IMMP2L: variants seen among roughly 807,000 people sequenced by gnomAD.
IMMP2L encodes inner mitochondrial membrane peptidase subunit 2, also known as mitochondrial inner membrane protease subunit 2.
In IMMP2L, 18 loss-of-function variants were observed where a neutral mutation model predicts 19.3. The ratio of observed to expected loss-of-function variants is 0.93; its 90% confidence interval spans 0.64 to 1.38. The LOEUF is 1.38. Among genes scored for constraint, IMMP2L ranks in the 40% most tolerant of loss-of-function variants. The pLI, the probability that IMMP2L is intolerant of heterozygous loss-of-function variation, is 0.00. For missense variants in IMMP2L, 233 were observed against 218.2 expected (o/e 1.07, Z -0.43); for synonymous variants, 76 against 73.0 (o/e 1.04, Z -0.21).
At chr7:111,425,342 A>G (rs1835968575) in intron 3 of IMMP2L, among the ~76,000 whole-genome samples, 1 of 145,152 alleles carries the variant, frequency 6.9e-6, no homozygotes, top group African/African-American at 2.5e-5. Flanking sequence ...GTTACACAAC[A>G]TAGGCATATG....
At chr7:111,528,646 C>T (rs1006200218) in intron 1 of IMMP2L, among the ~76,000 whole-genome samples, 12 of 152,142 alleles carry the variant, frequency 7.9e-5, no homozygotes, top group Non-Finnish European at 1.6e-4. Context: ...TAAAATTGTT[C>T]TTAAGCCTGC....
At chr7:111,023,163 C>T (rs1182930619) in intron 3 of IMMP2L, among the ~76,000 whole-genome samples, 1 of 152,196 alleles carries the variant, frequency 6.6e-6, no homozygotes, top group African/African-American at 2.4e-5. Context: ...TTTCTCTTAA[C>T]AGTGTCCTGA....
intron 3 of IMMP2L, among the ~76,000 whole-genome samples, chr7:111,433,119 G>T (rs930478099): frequency 4.6e-5 from 7 of 151,642 alleles, no homozygotes; most frequent in Non-Finnish European, 7.4e-5. Flanking sequence ...GTCTGGGGAG[G>T]CCTCAGGATA....
intron 1 of IMMP2L, among the ~76,000 whole-genome samples, chr7:111,551,144 T>C (rs2396393): frequency 0.82 from 124,978 of 152,122 alleles, 52,419 homozygotes; most frequent in East Asian, 0.97. Flanking sequence ...CTGTTTGCAA[T>C]GTGTCCCCCA....
intron 5 of IMMP2L, among the ~76,000 whole-genome samples, chr7:110,835,016 T>A (rs564557653): frequency 6.6e-6 from 1 of 152,254 alleles, no homozygotes; most frequent in South Asian, 2.1e-4. Flanking sequence ...AGCATTCACC[T>A]GAAAATTTTT....
intron 3 of IMMP2L, among the ~76,000 whole-genome samples, chr7:111,154,850 C>A (rs899329695): frequency 1.8e-4 from 28 of 152,224 alleles, no homozygotes; most frequent in African/African-American, 6.5e-4. Flanking sequence ...CTTGACTTCC[C>A]AGGTTGAAGT....
chr7:111,349,578 C>G (rs1827931782), intron 3 of IMMP2L, among the ~76,000 whole-genome samples: 2 of 152,228 alleles, frequency 1.3e-5, no homozygotes, highest in East Asian at 3.9e-4. Flanking sequence ...TTTCATGAAG[C>G]CCTAGGAGCC....
intron 1 of IMMP2L, among the ~76,000 whole-genome samples, chr7:111,529,464 A>G (rs1017771142): frequency 7.9e-5 from 12 of 152,312 alleles, no homozygotes; most frequent in African/African-American, 2.9e-4. Flanking sequence ...ACAGACACTT[A>G]GTACTCTTTA....
chr7:111,539,920 A>G (rs1270320279), intron 1 of IMMP2L, among the ~76,000 whole-genome samples: 1 of 152,106 alleles, frequency 6.6e-6, no homozygotes, highest in African/African-American at 2.4e-5. Context: ...TGGGTTTTTG[A>G]TAAGTATATT....
intron 5 of IMMP2L, among the ~76,000 whole-genome samples, chr7:110,713,041 A>G (rs1213097006): frequency 1.3e-5 from 2 of 152,206 alleles, no homozygotes; most frequent in Non-Finnish European, 2.9e-5. Context: ...ACTCTTGTAG[A>G]TAACCTACAC....
intron 5 of IMMP2L, among the ~76,000 whole-genome samples, chr7:110,736,749 T>C (rs1487163044): frequency 6.6e-6 from 1 of 152,222 alleles, no homozygotes; most frequent in Admixed American, 6.5e-5. Context: ...TACCGTTGCA[T>C]TTTGGAAGCA....
intron 4 of IMMP2L, among the ~76,000 whole-genome samples, chr7:110,958,460 T>A (rs1190122181): frequency 6.6e-6 from 1 of 152,060 alleles, no homozygotes; most frequent in Non-Finnish European, 1.5e-5. Context: ...AGAAGTTGAT[T>A]TTTCCCAGAG....
At chr7:111,399,704 A>C (rs922554270) in intron 3 of IMMP2L, among the ~76,000 whole-genome samples, 2 of 152,036 alleles carry the variant, frequency 1.3e-5, no homozygotes, top group African/African-American at 4.8e-5. Context: ...CATACTAACA[A>C]CACCTAAGTT....
chr7:111,548,275 C>T (rs1320479667), intron 1 of IMMP2L, among the ~76,000 whole-genome samples: 3 of 152,034 alleles, frequency 2.0e-5, no homozygotes, highest in Non-Finnish European at 2.9e-5. Context: ...TGACTGCATG[C>T]TTCTCTAGAA....
At chr7:111,411,398 G>A (rs539532193) in intron 3 of IMMP2L, 285 of 483,384 alleles carry the variant, frequency 5.9e-4, no homozygotes, top group Admixed American at 1.6e-3. Context: ...AGGGGTCCCC[G>A]TGAAAGTGAC....
chr7:110,674,332 G>T (rs866379453), intron 5 of IMMP2L, among the ~76,000 whole-genome samples: 9 of 152,138 alleles, frequency 5.9e-5, no homozygotes, highest in Non-Finnish European at 1.0e-4. Context: ...GACACATGGG[G>T]ATTATGGGAA....
At chr7:111,087,340 C>T (rs1466688441) in intron 3 of IMMP2L, among the ~76,000 whole-genome samples, 7 of 151,188 alleles carry the variant, frequency 4.6e-5, no homozygotes, top group African/African-American at 1.7e-4. Flanking sequence ...TCCCAGCTAC[C>T]AGGGAGGCTG....
At chr7:110,906,323 C>T (rs1302599867) in intron 4 of IMMP2L, among the ~76,000 whole-genome samples, 1 of 152,130 alleles carries the variant, frequency 6.6e-6, no homozygotes. Flanking sequence ...TACAGAGTAA[C>T]CTTTTAGTTG....
intron 5 of IMMP2L, among the ~76,000 whole-genome samples, chr7:110,767,236 T>A (rs1007553270): frequency 2.6e-5 from 4 of 152,150 alleles, no homozygotes; most frequent in African/African-American, 7.2e-5. Flanking sequence ...CCAGTTTGTG[T>A]TTTTGCAAAA....
Sources: allele counts gnomAD v4.1 joint callset (sites outside exome capture counted in the v4.1 genomes callset), GRCh38; gene constraint gnomAD v4.1.1; transcripts MANE v1.5; gene names NCBI Gene and HGNC (gene_info 2026-07-23, HGNC 2026-07-21).